ACOXL: variants seen among roughly 807,000 people sequenced by gnomAD.
ACOXL encodes the protein acyl-coenzyme A oxidase-like protein.
A neutral mutation model predicts 71.9 loss-of-function variants in ACOXL; 70 were observed. The ratio of observed to expected loss-of-function variants is 0.97; its 90% CI spans 0.80 to 1.19. The LOEUF (loss-of-function observed/expected upper bound fraction) is 1.19. ACOXL is among the 50% of genes most tolerant of loss of function. The pLI, the probability that ACOXL is intolerant of heterozygous loss-of-function variation, is 0.00. For missense variants in ACOXL, 703 were observed against 736.3 expected (o/e 0.95, Z 0.52); for synonymous variants, 253 against 281.6 (o/e 0.90, Z 1.02).
intron 10 of ACOXL, among the ~76,000 whole-genome samples, chr2:110,907,631 GGGGGA>G (rs2059503121): frequency 6.6e-6 from 1 of 152,076 alleles, no homozygotes; most frequent in African/African-American, 2.4e-5. Flanking sequence ...GACTGTGCCT[GGGGGA>G]AGTCTGTGCT....
At chr2:110,766,910 A>G (rs1379073374) in intron 1 of ACOXL, among the ~76,000 whole-genome samples, 1 of 151,974 alleles carries the variant, frequency 6.6e-6, no homozygotes, top group Non-Finnish European at 1.5e-5. Flanking sequence ...GAACTCAGAC[A>G]CTCCATCTGC....
In ACOXL at chr2:111,109,671, ATTTTTT is replaced by A. The variant is rs869081161; in HGVS notation, c.1543-7925_1543-7920del. Among the ~76,000 whole-genome samples the A allele has an allele frequency of 2.8e-3, 211 of 75,670 alleles. 1 individual carries two copies. The highest frequency in any genetic ancestry group is 0.011 in the African/African-American group (196 of 18,380). The allele number at this position is 75,670 out of a possible 152,430, so 49.6% of individuals were successfully genotyped here. On this transcript the variant is annotated intron_variant, in intron 17 of 17. Transcript: ENST00000439055. ...CTATTATATCCATTTTTCTCCTTCT[ATTTTTT>A]TTTTTTTTTTTTTTTTTTTGAGACA...
At chr2:110,735,438 A>G (rs372231175) in intron 1 of ACOXL, among the ~76,000 whole-genome samples, 1 of 152,146 alleles carries the variant, frequency 6.6e-6, no homozygotes, top group African/African-American at 2.4e-5. Flanking sequence ...GTGTGTACAT[A>G]GTGAGAAGTT....
At chr2:110,832,824 A>T (rs1690007068) in intron 9 of ACOXL, among the ~76,000 whole-genome samples, 1 of 152,244 alleles carries the variant, frequency 6.6e-6, no homozygotes, top group South Asian at 2.1e-4. Context: ...GCACATGAAA[A>T]GATGTTTAAC....
At chr2:111,115,828 C>T (rs1426501880) in intron 17 of ACOXL, among the ~76,000 whole-genome samples, 1 of 152,216 alleles carries the variant, frequency 6.6e-6, no homozygotes, top group Non-Finnish European at 1.5e-5. Flanking sequence ...GGAGGGCACA[C>T]TCCCTGAACA....
chr2:111,038,853 G>A (rs937245869), intron 15 of ACOXL, among the ~76,000 whole-genome samples: 3 of 152,028 alleles, frequency 2.0e-5, no homozygotes, highest in African/African-American at 7.2e-5. Flanking sequence ...AATAACCTTT[G>A]AGCTCACATG....
intron 11 of ACOXL, among the ~76,000 whole-genome samples, chr2:110,929,942 A>G (rs1359174981): frequency 6.6e-6 from 1 of 152,200 alleles, no homozygotes; most frequent in Non-Finnish European, 1.5e-5. Flanking sequence ...TCCAGGCATA[A>G]GTTTGCTGCA....
At chr2:110,863,968 T>C (rs1694252942) in intron 10 of ACOXL, among the ~76,000 whole-genome samples, 1 of 152,164 alleles carries the variant, frequency 6.6e-6, no homozygotes, top group Non-Finnish European at 1.5e-5. Flanking sequence ...TTCTCCAATT[T>C]CTGTTTTTCC....
intron 15 of ACOXL, among the ~76,000 whole-genome samples, chr2:111,043,406 C>T (rs1257846847): frequency 6.6e-6 from 1 of 152,176 alleles, no homozygotes; most frequent in Non-Finnish European, 1.5e-5. Context: ...TTCAACATTT[C>T]CCTGTTGTGT....
chr2:111,117,181 T>G (rs1417576975), intron 17 of ACOXL, among the ~76,000 whole-genome samples: 2 of 152,172 alleles, frequency 1.3e-5, no homozygotes, highest in Non-Finnish European at 2.9e-5. Context: ...TTCAGTTCCC[T>G]CTGCGCGCCA....
At chr2:111,083,959 G>A (rs886130874) in intron 16 of ACOXL, among the ~76,000 whole-genome samples, 7 of 152,010 alleles carry the variant, frequency 4.6e-5, no homozygotes, top group African/African-American at 1.7e-4. Context: ...TATAGACAGA[G>A]ACTTCAAAGG....
At chr2:110,887,901 TTGGAG>T (rs1697491465) in intron 10 of ACOXL, 1 of 152,238 alleles carries the variant, frequency 6.6e-6, no homozygotes, top group South Asian at 2.1e-4. Flanking sequence ...CTTGCTGACA[TTGGAG>T]GGCGTCTGTT....
chr2:110,926,349 A>G (rs1204340163), intron 11 of ACOXL, among the ~76,000 whole-genome samples: 2 of 152,136 alleles, frequency 1.3e-5, no homozygotes, highest in Admixed American at 1.3e-4. Flanking sequence ...TTCTGCACCT[A>G]CTTTGGGTTG....
intron 9 of ACOXL, among the ~76,000 whole-genome samples, chr2:110,828,446 G>C (rs1415260513): frequency 6.6e-6 from 1 of 152,176 alleles, no homozygotes; most frequent in African/African-American, 2.4e-5. Flanking sequence ...TCTTTCAAAA[G>C]AGCTGTGCTG....
chr2:111,104,057 G>A (rs1253829225), intron 17 of ACOXL, among the ~76,000 whole-genome samples: 1 of 152,056 alleles, frequency 6.6e-6, no homozygotes, highest in Non-Finnish European at 1.5e-5. Flanking sequence ...TTTCAGGAAC[G>A]TTGTATAAAT....
intron 12 of ACOXL, among the ~76,000 whole-genome samples, chr2:110,950,038 TTTTTA>T (rs1048668118): frequency 2.0e-5 from 3 of 152,038 alleles, no homozygotes; most frequent in Non-Finnish European, 4.4e-5. Context: ...TTTATTTTTA[TTTTTA>T]TTTTATGTTA....
chr2:110,796,308 CA>C (rs1205764455), intron 5 of ACOXL: 2 of 152,046 alleles, frequency 1.3e-5, no homozygotes, highest in Non-Finnish European at 2.9e-5. Context: ...TTCTAAATAG[CA>C]AAAATAAATG....
intron 10 of ACOXL, among the ~76,000 whole-genome samples, chr2:110,852,222 G>A (rs1324065893): frequency 1.3e-5 from 2 of 152,204 alleles, no homozygotes; most frequent in Admixed American, 6.5e-5. Flanking sequence ...TGGCCTGGTG[G>A]ATCGCTTGAC....
chr2:110,830,586 T>C (rs1573728850), intron 9 of ACOXL, among the ~76,000 whole-genome samples: 2 of 151,892 alleles, frequency 1.3e-5, no homozygotes, highest in Non-Finnish European at 2.9e-5. Flanking sequence ...CAGGCTGGAG[T>C]GCAGTGGCGC....
Sources: gnomAD v4.1 joint callset for allele counts (sites outside exome capture counted in the v4.1 genomes callset) on GRCh38, gnomAD v4.1.1 for gene constraint, MANE v1.5 for transcripts, NCBI Gene and HGNC (gene_info 2026-07-23, HGNC 2026-07-21) for gene names.